The following CPM variants were observed in gnomAD, a reference collection of about 807,000 sequenced individuals.
CPM encodes carboxypeptidase M.
CPM carries 35 observed loss-of-function variants against 46.4 expected under a neutral mutation model. That is an observed-to-expected ratio of 0.75 (90% confidence interval 0.58 to 1.00). CPM has a LOEUF of 1.00. Ranked by LOEUF, CPM falls within the 50% of genes least tolerant of loss-of-function variation. CPM has a pLI of 0.00. For synonymous variants in CPM, 195 were observed against 195.3 expected (o/e 1.00, Z 0.01); for missense variants, 422 against 530.4 (o/e 0.80, Z 2.01).
chr12:68,915,479 C>T (rs904406434), intron 2 of CPM, among the ~76,000 whole-genome samples: 1 of 152,228 alleles, frequency 6.6e-6, no homozygotes, highest in Non-Finnish European at 1.5e-5. Context: ...TTCCTACCAC[C>T]TCCATCTCTC....
intron 1 of CPM, among the ~76,000 whole-genome samples, chr12:68,959,412 T>TAA (rs1244482706): frequency 2.0e-4 from 30 of 148,872 alleles, no homozygotes; most frequent in African/African-American, 7.1e-4. Context: ...ATTGTTATTG[T>TAA]AAAAAAAAAA....
At chr12:68,916,752 G>A (rs2120744) in intron 2 of CPM, among the ~76,000 whole-genome samples, 83,176 of 151,688 alleles carry the variant, frequency 0.55, 23,143 homozygotes, top group Non-Finnish European at 0.6. Context: ...AGCTGGGCAT[G>A]GTGGCACACC....
chr12:68,930,257 T>A (rs909680075), intron 2 of CPM, among the ~76,000 whole-genome samples: 1 of 152,214 alleles, frequency 6.6e-6, no homozygotes, highest in South Asian at 2.1e-4. Flanking sequence ...ATTTTTTGTA[T>A]TTTTAGTAGA....
At chr12:68,931,789 AAG>A (rs1279320261) in intron 2 of CPM, among the ~76,000 whole-genome samples, 3 of 150,832 alleles carry the variant, frequency 2.0e-5, no homozygotes, top group Admixed American at 6.6e-5. Context: ...GAAAGAAAGA[AAG>A]ATGAAATAAC....
At chr12:68,936,376 ATCT>A (rs978154590), upstream of CPM, among the ~76,000 whole-genome samples, 2 of 151,986 alleles carry the variant, frequency 1.3e-5, no homozygotes, top group Non-Finnish European at 1.5e-5. Context: ...TTTAGAGGTG[ATCT>A]TCTTTCTTTC....
chr12:68,938,466 G>A (rs769881677), intron 1 of CPM, among the ~76,000 whole-genome samples: 5 of 151,496 alleles, frequency 3.3e-5, no homozygotes, highest in African/African-American at 4.8e-5. Flanking sequence ...ATTAACCAGC[G>A]CCCTAATGTG....
At chr12:68,895,818 C>A (rs1179303945) in intron 2 of CPM, among the ~76,000 whole-genome samples, 1 of 152,156 alleles carries the variant, frequency 6.6e-6, no homozygotes, top group African/African-American at 2.4e-5. Context: ...TGGTGGTGTG[C>A]CATGAATACA....
chr12:68,953,590 G>T (rs1438364793), intron 1 of CPM, among the ~76,000 whole-genome samples: 1 of 152,014 alleles, frequency 6.6e-6, no homozygotes, highest in Non-Finnish European at 1.5e-5. Flanking sequence ...CCCCATGAGT[G>T]CCTTCTCTGC....
chr12:68,843,490 C>CA (rs1214296900), intron 5 of CPM: 1 of 223,600 alleles, frequency 4.5e-6, no homozygotes, highest in African/African-American at 2.4e-5. Flanking sequence ...AAGTATCTCT[C>CA]AAACTGTGGA....
At chr12:68,882,130 T>C (rs1886224012) in intron 3 of CPM, among the ~76,000 whole-genome samples, 1 of 151,336 alleles carries the variant, frequency 6.6e-6, no homozygotes, top group Non-Finnish European at 1.5e-5. Flanking sequence ...AAGTGCAGAT[T>C]GGTTCTATAG....
intron 3 of CPM, among the ~76,000 whole-genome samples, chr12:68,884,486 A>G (rs1439726442): frequency 6.6e-6 from 1 of 152,096 alleles, no homozygotes; most frequent in East Asian, 1.9e-4. Flanking sequence ...TCCAGTTCCT[A>G]TAGAGTTTGG....
In CPM at chr12:68,852,126, A is replaced by G. The variant is rs1884720816; in HGVS notation, c.*4311T>C. 2 of 152,260 alleles carry G rather than the reference A, an allele frequency of 1.3e-5. No homozygotes were observed. The highest frequency in any genetic ancestry group is 2.1e-4 in the South Asian group (1 of 4,832). The allele number at this position is 152,260 out of a possible 1,614,324, so 9.4% of individuals were successfully genotyped here. A position where few individuals can be genotyped will look rare whatever the true frequency, so the allele number is the denominator to read the frequency against. Reference sequence around the variant, plus strand: ...TGCAAATTTGCTTCTGGAACAAAACATAACATTGATTTCTTGGAAAGACTT... The same window carrying G: ...TGCAAATTTGCTTCTGGAACAAAACGTAACATTGATTTCTTGGAAAGACTT... On this transcript the variant is annotated 3_prime_UTR_variant, in exon 9 of 9. Coordinates refer to ENST00000551568, the MANE Select transcript of CPM (RefSeq NM_198320.5).
At chr12:68,959,309 A>G (rs144176879) in intron 1 of CPM, among the ~76,000 whole-genome samples, 4 of 152,336 alleles carry the variant, frequency 2.6e-5, no homozygotes, top group Non-Finnish European at 5.9e-5. Flanking sequence ...TGCAACCTAA[A>G]TGATGAGACT....
intron 3 of CPM, among the ~76,000 whole-genome samples, chr12:68,873,246 T>C (rs1230916436): frequency 6.6e-6 from 1 of 152,246 alleles, no homozygotes; most frequent in African/African-American, 2.4e-5. Flanking sequence ...GATTTCACTG[T>C]AGGACTTCAA....
At chr12:68,958,520 C>A (rs1889062173) in intron 1 of CPM, among the ~76,000 whole-genome samples, 1 of 152,062 alleles carries the variant, frequency 6.6e-6, no homozygotes, top group Admixed American at 6.6e-5. Flanking sequence ...CTCCACCCAC[C>A]CCAACCAATG....
intron 1 of CPM, among the ~76,000 whole-genome samples, chr12:68,944,722 T>G (rs1888818622): frequency 6.6e-6 from 1 of 150,568 alleles, no homozygotes; most frequent in African/African-American, 2.5e-5. Flanking sequence ...TTTTTGTTTT[T>G]TTTTTTTAAA....
intron 1 of CPM, among the ~76,000 whole-genome samples, chr12:68,940,205 C>T (rs1033098579): frequency 6.6e-6 from 1 of 151,368 alleles, no homozygotes; most frequent in Non-Finnish European, 1.5e-5. Flanking sequence ...TCCCATATAC[C>T]CTTTTCCTGC....
intron 2 of CPM, among the ~76,000 whole-genome samples, chr12:68,905,527 C>T (rs180901596): frequency 1.3e-5 from 2 of 152,128 alleles, no homozygotes; most frequent in South Asian, 4.2e-4. Context: ...GTGATCCACT[C>T]GCCTCACCCT....
chr12:68,942,500 G>A (rs558232002), intron 1 of CPM, among the ~76,000 whole-genome samples: 1 of 152,326 alleles, frequency 6.6e-6, no homozygotes, highest in African/African-American at 2.4e-5. Context: ...CTATGTCACT[G>A]TGAGAGTAAA....
Sources: allele counts gnomAD v4.1 joint callset (sites outside exome capture counted in the v4.1 genomes callset), GRCh38; gene constraint gnomAD v4.1.1; transcripts MANE v1.5; gene names NCBI Gene and HGNC (gene_info 2026-07-23, HGNC 2026-07-21).